The following IMMP2L variants were observed in gnomAD, a reference collection of about 807,000 sequenced individuals.
IMMP2L encodes inner mitochondrial membrane peptidase subunit 2.
In IMMP2L, 18 loss-of-function variants were observed where a neutral mutation model predicts 19.3. The ratio of observed to expected loss-of-function variants is 0.93; its 90% CI spans 0.64 to 1.38. The LOEUF is 1.38. Ranked by LOEUF, IMMP2L falls within the 40% of genes most tolerant of loss-of-function variation. IMMP2L has a pLI of 0.00. For synonymous variants in IMMP2L, 76 were observed against 73.0 expected (o/e 1.04, Z -0.21); for missense variants, 233 against 218.2 (o/e 1.07, Z -0.43).
chr7:111,458,512 A>C (rs1839871473), intron 3 of IMMP2L, among the ~76,000 whole-genome samples: 1 of 152,124 alleles, frequency 6.6e-6, no homozygotes, highest in South Asian at 2.1e-4. Context: ...ATTACCAATA[A>C]AATTGTTCCT....
chr7:111,295,021 G>A (rs566013458), intron 3 of IMMP2L, among the ~76,000 whole-genome samples: 39 of 151,702 alleles, frequency 2.6e-4, no homozygotes, highest in African/African-American at 8.2e-4. Flanking sequence ...ACATCTGTTC[G>A]ATACAAGTTT....
At chr7:111,177,768 T>C (rs1230570342) in intron 3 of IMMP2L, among the ~76,000 whole-genome samples, 3 of 152,122 alleles carry the variant, frequency 2.0e-5, no homozygotes, top group East Asian at 3.9e-4. Flanking sequence ...ACATGTGACA[T>C]TTCTTTTATT....
intron 3 of IMMP2L, among the ~76,000 whole-genome samples, chr7:111,140,602 C>A (rs1406325628): frequency 1.3e-5 from 2 of 152,144 alleles, no homozygotes; most frequent in Non-Finnish European, 2.9e-5. Flanking sequence ...TTGGGAAGGG[C>A]TAAATAAGTT....
chr7:111,093,100 G>A (rs559713590), intron 3 of IMMP2L, among the ~76,000 whole-genome samples: 37 of 152,160 alleles, frequency 2.4e-4, no homozygotes, highest in Non-Finnish European at 4.7e-4. Context: ...TAATTCCAGT[G>A]ACCTTTGTAA....
At chr7:111,281,164 A>AGAAAGAC (rs1819718951) in intron 3 of IMMP2L, among the ~76,000 whole-genome samples, 2 of 22,742 alleles carry the variant, frequency 8.8e-5, no homozygotes, top group Non-Finnish European at 2.2e-4. Context: ...GACAGAAAGA[A>AGAAAGAC]AGAAAGAAAG....
intron 5 of IMMP2L, among the ~76,000 whole-genome samples, chr7:110,736,642 T>C (rs1796656672): frequency 6.6e-6 from 1 of 152,214 alleles, no homozygotes; most frequent in South Asian, 2.1e-4. Flanking sequence ...TTAATGTTCT[T>C]TGCCTTGGTG....
chr7:111,098,188 G>GACTAGCTGA (rs1165331300), intron 3 of IMMP2L, among the ~76,000 whole-genome samples: 2 of 151,782 alleles, frequency 1.3e-5, no homozygotes, highest in Admixed American at 1.3e-4. Flanking sequence ...TTTGTTGTGT[G>GACTAGCTGA]ACTAGCTGAA....
intron 3 of IMMP2L, among the ~76,000 whole-genome samples, chr7:111,104,083 C>T (rs1017672583): frequency 1.3e-5 from 2 of 151,674 alleles, no homozygotes; most frequent in African/African-American, 4.8e-5. Flanking sequence ...AGCATAACAA[C>T]TCTTCATATC....
intron 3 of IMMP2L, among the ~76,000 whole-genome samples, chr7:110,994,027 C>A (rs1404364477): frequency 1.3e-5 from 2 of 151,928 alleles, no homozygotes; most frequent in South Asian, 2.1e-4. Context: ...AAAAAAAAGG[C>A]TCTATTTGTC....
intron 4 of IMMP2L, among the ~76,000 whole-genome samples, chr7:110,904,393 T>C (rs1486874369): frequency 1.3e-5 from 2 of 152,220 alleles, no homozygotes; most frequent in East Asian, 1.9e-4. Context: ...GGGTTTTACA[T>C]TGAATTCTTT....
intron 1 of IMMP2L, among the ~76,000 whole-genome samples, chr7:111,539,870 C>A (rs553920696): frequency 7.2e-5 from 11 of 152,058 alleles, no homozygotes; most frequent in Admixed American, 5.9e-4. Flanking sequence ...TGAGAAATAC[C>A]ATTTGAATAC....
At chr7:111,175,760 T>C (rs1042262838) in intron 3 of IMMP2L, among the ~76,000 whole-genome samples, 4 of 151,620 alleles carry the variant, frequency 2.6e-5, no homozygotes, top group Non-Finnish European at 1.5e-5. Flanking sequence ...AGAAAACCCA[T>C]GCAAAAATGG....
intron 3 of IMMP2L, among the ~76,000 whole-genome samples, chr7:111,028,531 A>T (rs1254691445): frequency 6.6e-6 from 1 of 152,164 alleles, no homozygotes; most frequent in Non-Finnish European, 1.5e-5. Context: ...TTATGCAAAG[A>T]AAAAGCTATG....
intron 2 of IMMP2L, among the ~76,000 whole-genome samples, chr7:111,498,043 T>C (rs1180472891): frequency 1.3e-5 from 2 of 152,018 alleles, no homozygotes; most frequent in East Asian, 1.9e-4. Flanking sequence ...TGAATTGTTT[T>C]TGAAGGGGAA....
chr7:111,032,773 G>C (rs1307235797), intron 3 of IMMP2L, among the ~76,000 whole-genome samples: 1 of 152,096 alleles, frequency 6.6e-6, no homozygotes, highest in Non-Finnish European at 1.5e-5. Flanking sequence ...AGTGAGCCAA[G>C]ATTGCTCCAC....
At chr7:111,531,916 G>C (rs1160129381) in intron 1 of IMMP2L, among the ~76,000 whole-genome samples, 1 of 151,846 alleles carries the variant, frequency 6.6e-6, no homozygotes, top group African/African-American at 2.4e-5. Flanking sequence ...GAATAGCTAA[G>C]AAGAAAATAC....
At chr7:111,291,674 G>A (rs1171134037) in intron 3 of IMMP2L, among the ~76,000 whole-genome samples, 1 of 152,102 alleles carries the variant, frequency 6.6e-6, no homozygotes, top group Non-Finnish European at 1.5e-5. Context: ...ATAAGCCTTA[G>A]TGATCTGATG....
chr7:110,761,962 T>C (rs1798373509), intron 5 of IMMP2L, among the ~76,000 whole-genome samples: 1 of 152,156 alleles, frequency 6.6e-6, no homozygotes, highest in Non-Finnish European at 1.5e-5. Flanking sequence ...ACGGGGTCCG[T>C]ACCTCTGCCC....
At chr7:111,362,212 C>G (rs1689039011) in intron 3 of IMMP2L, among the ~76,000 whole-genome samples, 1 of 151,906 alleles carries the variant, frequency 6.6e-6, no homozygotes, top group African/African-American at 2.4e-5. Context: ...AGTTATCTCC[C>G]CATAGGATTT....
Sources: gnomAD v4.1 joint callset for allele counts (sites outside exome capture counted in the v4.1 genomes callset) on GRCh38, gnomAD v4.1.1 for gene constraint, MANE v1.5 for transcripts, NCBI Gene and HGNC (gene_info 2026-07-23, HGNC 2026-07-21) for gene names.